The following AKR1B15 variants were observed in gnomAD, a reference collection of about 807,000 sequenced individuals.
The protein encoded by AKR1B15 is aldo-keto reductase family 1 member B15, also known as estradiol 17-beta-dehydrogenase AKR1B15.
In AKR1B15, 49 loss-of-function variants were observed where a neutral mutation model predicts 38.5. The ratio of observed to expected loss-of-function variants is 1.27; its 90% CI spans 1.01 to 1.62. AKR1B15 has a LOEUF of 1.62. Ranked by LOEUF, AKR1B15 falls within the 40% of genes most tolerant of loss-of-function variation. The pLI is 0.00. For synonymous variants in AKR1B15, 137 were observed against 135.5 expected, an observed-to-expected ratio of 1.01 and a Z score of -0.08; for missense variants, 411 against 381.6, an observed-to-expected ratio of 1.08 and a Z score of -0.64.
At chr7:134,576,003 G>T in intron 8 of AKR1B15, 76 bp downstream of exon 8, 3 of 1,540,482 alleles carry the variant, frequency 1.9e-6, no homozygotes, top group Non-Finnish European at 2.6e-6. Flanking sequence ...ATGTCGGTAT[G>T]GGTCCATAAG....
intron 2 of AKR1B15, 43 bp from the exon 3 acceptor site, chr7:134,564,555 G>A: frequency 1.5e-6 from 1 of 658,386 alleles, no homozygotes; most frequent in Non-Finnish European, 2.8e-6. Context: ...CTCACCTTTG[G>A]GCCCTGTATT....
chr7:134,555,866 G>A (rs572114061), intron 1 of AKR1B15, among the ~76,000 whole-genome samples: 2 of 152,238 alleles, frequency 1.3e-5, no homozygotes, highest in Non-Finnish European at 2.9e-5. Flanking sequence ...TCTAGTTGTC[G>A]AGATTCTTAC....
At chr7:134,557,191 C>T (rs1053938785) in intron 2 of AKR1B15, among the ~76,000 whole-genome samples, 6 of 152,128 alleles carry the variant, frequency 3.9e-5, no homozygotes, top group Non-Finnish European at 8.8e-5. Flanking sequence ...ACTGGGTTGG[C>T]GGGACCCCCT....
intron 9 of AKR1B15, among the ~76,000 whole-genome samples, 162 bp downstream of exon 9, chr7:134,576,592 C>T (rs936558513): frequency 6.6e-6 from 1 of 152,148 alleles, no homozygotes; most frequent in Non-Finnish European, 1.5e-5. Flanking sequence ...CTAGGAAACA[C>T]AAGAGCTGTC....
intron 5 of AKR1B15, 27 bp downstream of exon 5, chr7:134,569,556 C>T: frequency 6.2e-7 from 1 of 1,612,456 alleles, no homozygotes. Context: ...TTCTCAGCCT[C>T]TAGTTTCTGA....
intron 6 of AKR1B15, among the ~76,000 whole-genome samples, chr7:134,573,186 A>G (rs11984091): frequency 0.42 from 63,406 of 151,946 alleles, 13,613 homozygotes; most frequent in Non-Finnish European, 0.45. Context: ...GCATGCCACC[A>G]CACATGGATA....
intron 4 of AKR1B15, among the ~76,000 whole-genome samples, chr7:134,568,773 A>G (rs1794600734): frequency 6.6e-6 from 1 of 152,112 alleles, no homozygotes; most frequent in Non-Finnish European, 1.5e-5. Context: ...CAGTCTAGTA[A>G]AAGTTGAGGT....
intron 2 of AKR1B15, among the ~76,000 whole-genome samples, chr7:134,561,648 T>A (rs534156713): frequency 6.6e-6 from 1 of 152,320 alleles, no homozygotes; most frequent in South Asian, 2.1e-4. Flanking sequence ...TTCAATTCCA[T>A]TTCAAGATTC....
chr7:134,562,028 G>A (rs111833841), intron 2 of AKR1B15, among the ~76,000 whole-genome samples: 3 of 152,264 alleles, frequency 2.0e-5, no homozygotes, highest in African/African-American at 4.8e-5. Context: ...GTGTCGCCCA[G>A]GCTGGAGTGC....
chr7:134,567,745 T>G (rs1171545821), intron 3 of AKR1B15, among the ~76,000 whole-genome samples: 2 of 152,182 alleles, frequency 1.3e-5, no homozygotes, highest in Non-Finnish European at 2.9e-5. Context: ...TTCAGAAAGT[T>G]GTAGTGGAGC....
At chr7:134,560,569 C>A (rs948970830) in intron 2 of AKR1B15, among the ~76,000 whole-genome samples, 5 of 152,190 alleles carry the variant, frequency 3.3e-5, no homozygotes, top group African/African-American at 7.2e-5. Flanking sequence ...TATCCCTCCT[C>A]ACTGATTCAT....
intron 4 of AKR1B15, 111 bp downstream of exon 4, chr7:134,568,436 T>C: frequency 1.4e-6 from 2 of 1,452,152 alleles, no homozygotes; most frequent in Non-Finnish European, 1.9e-6. Flanking sequence ...CCCGTTTTCA[T>C]CTCTGCCTTG....
Position 134,571,647 on chromosome 7 carries a change from T to A in AKR1B15, c.479T>A (p.Ile160Asn), listed in dbSNP as rs1483029195. 2.5e-6 allele frequency: 4 copies of A among 1,613,816 alleles called. No homozygotes were observed. The highest frequency in any genetic ancestry group is 3.4e-6 in the Non-Finnish European group (4 of 1,179,864). Reference sequence around the variant, plus strand: ...CCCAAAGATGATAAAGGTAATATGATCAGTGGAAAAGGAACGTTCTTGGAT... The same window carrying A: ...CCCAAAGATGATAAAGGTAATATGAACAGTGGAAAAGGAACGTTCTTGGAT... ...FFPKDDKGNM[I>N]SGKGTFLDAW... Residue 160 changes from isoleucine (I) to asparagine (N), a missense_variant, in exon 6 of 12, where the codon ATC becomes AAC. This residue lies in a region of AKR1B15 where 254 missense variants were observed against 212.4 expected (regional missense o/e 1.20). Transcript: ENST00000457545.
intron 2 of AKR1B15, among the ~76,000 whole-genome samples, chr7:134,561,276 T>A (rs1562945900): frequency 6.6e-6 from 1 of 152,160 alleles, no homozygotes; most frequent in Non-Finnish European, 1.5e-5. Flanking sequence ...TCCAGTGGCA[T>A]AATCTTGGCT....
intron 2 of AKR1B15, among the ~76,000 whole-genome samples, chr7:134,563,296 C>T (rs1218539728): frequency 6.6e-6 from 1 of 152,144 alleles, no homozygotes; most frequent in Non-Finnish European, 1.5e-5. Flanking sequence ...TGTGGCCAGG[C>T]ACAGCTCATG....
chr7:134,571,790 T>C (rs989181879), intron 6 of AKR1B15, 109 bp downstream of exon 6: 4 of 875,916 alleles, frequency 4.6e-6, no homozygotes, highest in Middle Eastern at 2.3e-4. Flanking sequence ...AATTTCATCA[T>C]TGTGATTCTC....
chr7:134,579,683 G>A lies in AKR1B15; in HGVS notation c.*134G>A. ...CTTTGTCCTGTTGTAGACCAGAATG[G>A]AGGTGCTGTTTTAGACATGTATTTC... On this transcript the variant is annotated 3_prime_UTR_variant, in exon 12 of 12. Transcript: ENST00000457545. 1 of 721,150 alleles carries A rather than the reference G, an allele frequency of 1.4e-6. No individual in the cohort carries two copies. The highest frequency in any genetic ancestry group is 2.8e-5 in the East Asian group (1 of 35,524). 44.7% of individuals were successfully genotyped at this position (721,150 alleles called of 1,614,324 possible).
At chr7:134,554,086 T>G (rs2117605412) in intron 1 of AKR1B15, among the ~76,000 whole-genome samples, 1 of 152,346 alleles carries the variant, frequency 6.6e-6, no homozygotes, top group African/African-American at 2.4e-5. Flanking sequence ...GAGCGAGGGC[T>G]ACTCACCTCA....
chr7:134,561,947 G>A (rs1794406557), intron 2 of AKR1B15, among the ~76,000 whole-genome samples: 2 of 152,012 alleles, frequency 1.3e-5, no homozygotes, highest in South Asian at 2.1e-4. Context: ...ACCATCACAG[G>A]GAAAGAAAGC....
Sources: gnomAD v4.1 joint callset for allele counts (sites outside exome capture counted in the v4.1 genomes callset) on GRCh38, gnomAD v4.1.1 for gene constraint, gnomAD v4.1.1 regional missense constraint, MANE v1.5 for transcripts, NCBI Gene and HGNC (gene_info 2026-07-23, HGNC 2026-07-21) for gene names.